The following SLC9A9 variants were observed in gnomAD, a reference collection of about 807,000 sequenced individuals.
SLC9A9 encodes the protein sodium/hydrogen exchanger 9.
A neutral mutation model predicts 77.8 loss-of-function variants in SLC9A9; 62 were observed. That is an observed-to-expected ratio of 0.80 (90% CI 0.65 to 0.98). SLC9A9 has a LOEUF of 0.98. Ranked by LOEUF, SLC9A9 falls within the 50% of genes least tolerant of loss-of-function variation. The pLI, the probability that SLC9A9 is intolerant of heterozygous loss-of-function variation, is 0.00. For missense variants in SLC9A9, 775 were observed against 774.9 expected, an observed-to-expected ratio of 1.00 and a Z score of 0.00; for synonymous variants, 320 against 283.5, an observed-to-expected ratio of 1.13 and a Z score of -1.29.
intron 6 of SLC9A9, among the ~76,000 whole-genome samples, chr3:143,596,326 A>G (rs954852873): frequency 2.1e-4 from 32 of 152,170 alleles, no homozygotes; most frequent in Non-Finnish European, 4.6e-4. Flanking sequence ...ACACACACAC[A>G]CTCATACACA....
In SLC9A9 at chr3:143,661,630, T is replaced by C. The variant is rs938175557; in HGVS notation, c.650-9270A>G. Among the ~76,000 whole-genome samples the C allele has an allele frequency of 7.9e-5, 12 of 152,306 alleles. No individual in the cohort carries two copies. The East Asian group carries it at 2.3e-3, about 29-fold the overall frequency. On this transcript the variant is annotated intron_variant, in intron 5 of 15. Transcript: ENST00000316549. Reference sequence around the variant, plus strand: ...AAAACATCTCCAGTCCCCTTCTCACTCTGTAAACTTGACTTGAGTAATTTC... The same window carrying C: ...AAAACATCTCCAGTCCCCTTCTCACCCTGTAAACTTGACTTGAGTAATTTC...
At chr3:143,335,319 A>G (rs1307545697) in intron 14 of SLC9A9, among the ~76,000 whole-genome samples, 1 of 152,170 alleles carries the variant, frequency 6.6e-6, no homozygotes, top group African/African-American at 2.4e-5. Context: ...GGCTCAGAAG[A>G]CTTAATATTG....
intron 9 of SLC9A9, among the ~76,000 whole-genome samples, chr3:143,499,070 C>A (rs1414604750): frequency 6.6e-6 from 1 of 152,160 alleles, no homozygotes; most frequent in African/African-American, 2.4e-5. Flanking sequence ...TATCAATTTG[C>A]ACTCCAATCA....
chr3:143,811,564 G>A (rs2008864760), intron 2 of SLC9A9, among the ~76,000 whole-genome samples: 1 of 152,024 alleles, frequency 6.6e-6, no homozygotes, highest in African/African-American at 2.4e-5. Context: ...AGTGTTCACT[G>A]GCCCGGCACA....
At chr3:143,399,319 G>A (rs1218740832) in intron 12 of SLC9A9, among the ~76,000 whole-genome samples, 2 of 152,214 alleles carry the variant, frequency 1.3e-5, no homozygotes, top group Non-Finnish European at 1.5e-5. Context: ...GTTTTTCTCT[G>A]GTCAAATCTG....
chr3:143,397,040 C>T (rs144233239), intron 12 of SLC9A9, among the ~76,000 whole-genome samples: 2 of 152,320 alleles, frequency 1.3e-5, no homozygotes, highest in Admixed American at 1.3e-4. Context: ...ATGTTTGGCA[C>T]AACTTCCCTT....
intron 6 of SLC9A9, among the ~76,000 whole-genome samples, chr3:143,621,600 CA>C (rs1386467656): frequency 7.2e-5 from 11 of 152,066 alleles, no homozygotes; most frequent in Non-Finnish European, 1.5e-4. Context: ...ACATCCACAC[CA>C]AAAACCCATC....
intron 14 of SLC9A9, among the ~76,000 whole-genome samples, chr3:143,333,562 C>A (rs1305212190): frequency 1.3e-5 from 2 of 152,170 alleles, no homozygotes. Context: ...CAGGCTGCTT[C>A]CTGACCTGGG....
chr3:143,621,374 C>T (rs1171447043), intron 6 of SLC9A9, among the ~76,000 whole-genome samples: 1 of 151,758 alleles, frequency 6.6e-6, no homozygotes, highest in Admixed American at 6.6e-5. Context: ...CCAGTAGGGG[C>T]AGACTGACAC....
intron 4 of SLC9A9, among the ~76,000 whole-genome samples, chr3:143,718,438 A>G (rs1466535317): frequency 6.6e-6 from 1 of 152,206 alleles, no homozygotes; most frequent in Non-Finnish European, 1.5e-5. Flanking sequence ...CAGAAAGAAC[A>G]TTTCTGCCTT....
chr3:143,670,760 A>C (rs2039143772), intron 5 of SLC9A9, among the ~76,000 whole-genome samples: 2 of 151,752 alleles, frequency 1.3e-5, no homozygotes, highest in Admixed American at 6.6e-5. Context: ...TGTCGTATCT[A>C]CCTCCCTCTT....
intron 11 of SLC9A9, among the ~76,000 whole-genome samples, chr3:143,485,760 C>T (rs1485562487): frequency 6.6e-6 from 1 of 151,960 alleles, no homozygotes; most frequent in Non-Finnish European, 1.5e-5. Flanking sequence ...ATAACAGAAA[C>T]TATCCCTGAA....
At chr3:143,690,184 T>C (rs573438183) in intron 5 of SLC9A9, among the ~76,000 whole-genome samples, 3 of 152,102 alleles carry the variant, frequency 2.0e-5, no homozygotes, top group African/African-American at 4.8e-5. Flanking sequence ...ATATATATTA[T>C]ACTTTTGAGA....
intron 9 of SLC9A9, among the ~76,000 whole-genome samples, chr3:143,496,355 T>G (rs558307034): frequency 3.5e-4 from 53 of 152,354 alleles, no homozygotes; most frequent in African/African-American, 1.3e-3. Context: ...TTTCTGAGAC[T>G]CCATTCCTGG....
intron 1 of SLC9A9, among the ~76,000 whole-genome samples, chr3:143,839,523 C>T (rs2009654770): frequency 9.0e-6 from 1 of 111,002 alleles, no homozygotes. Context: ...CACACACACA[C>T]ACACATCACA....
chr3:143,296,363 G>A (rs750221064), intron 14 of SLC9A9, among the ~76,000 whole-genome samples: 14 of 152,148 alleles, frequency 9.2e-5, no homozygotes, highest in Non-Finnish European at 1.6e-4. Context: ...ATGTCCTCCA[G>A]GTTCATTCTT....
At chr3:143,652,137 T>C (rs1045647534) in intron 6 of SLC9A9, 118 bp downstream of exon 6, 17 of 816,950 alleles carry the variant, frequency 2.1e-5, no homozygotes, top group East Asian at 8.1e-5. Context: ...TTTTCTGTGA[T>C]AACAATTCCT....
chr3:143,426,451 C>T (rs1438248792), intron 12 of SLC9A9, among the ~76,000 whole-genome samples: 2 of 152,126 alleles, frequency 1.3e-5, no homozygotes, highest in African/African-American at 4.8e-5. Flanking sequence ...CCTATTGTTT[C>T]CTTTCTTAAA....
At chr3:143,707,415 C>T (rs1372162845) in intron 4 of SLC9A9, among the ~76,000 whole-genome samples, 1 of 151,292 alleles carries the variant, frequency 6.6e-6, no homozygotes, top group Non-Finnish European at 1.5e-5. Context: ...AGCTGGGAAG[C>T]CATCATGATT....
Sources: gnomAD v4.1 joint callset for allele counts (sites outside exome capture counted in the v4.1 genomes callset) on GRCh38, gnomAD v4.1.1 for gene constraint, MANE v1.5 for transcripts, NCBI Gene and HGNC (gene_info 2026-07-23, HGNC 2026-07-21) for gene names.